Variants in STPG2 observed in about 807,000 individuals in gnomAD.
STPG2 encodes sperm tail PG-rich repeat containing 2, also known as sperm-tail PG-rich repeat-containing protein 2.
STPG2 carries 56 observed loss-of-function variants against 54.2 expected under a neutral mutation model. That is an observed-to-expected ratio of 1.03 (90% confidence interval 0.83 to 1.29). The LOEUF (loss-of-function observed/expected upper bound fraction) is 1.29. Among genes scored for constraint, STPG2 ranks in the 50% most tolerant of loss-of-function variants. The pLI is 0.00. For synonymous variants in STPG2, 200 were observed against 181.8 expected (o/e 1.10, Z -0.81); for missense variants, 596 against 544.9 (o/e 1.09, Z -0.93).
chr4:97,865,228 A>C (rs1336448281), intron 8 of STPG2, among the ~76,000 whole-genome samples: 1 of 152,022 alleles, frequency 6.6e-6, no homozygotes, highest in Non-Finnish European at 1.5e-5. Flanking sequence ...TCTACAAAGA[A>C]CTCAAACAAA....
At chr4:98,039,080 A>G (rs1736862585) in intron 5 of STPG2, among the ~76,000 whole-genome samples, 1 of 152,028 alleles carries the variant, frequency 6.6e-6, no homozygotes, top group South Asian at 2.1e-4. Flanking sequence ...ATAGCTAATA[A>G]AGTTGAAAAT....
intron 5 of STPG2, among the ~76,000 whole-genome samples, chr4:98,039,694 A>ATCTC (rs1398217557): frequency 7.0e-6 from 1 of 143,702 alleles, no homozygotes; most frequent in Non-Finnish European, 1.5e-5. Context: ...ATATATATAT[A>ATCTC]TATATCTCAC....
chr4:97,855,265 G>A (rs1560556039), intron 8 of STPG2, among the ~76,000 whole-genome samples: 1 of 152,040 alleles, frequency 6.6e-6, no homozygotes, highest in Non-Finnish European at 1.5e-5. Context: ...ATTCATTTAG[G>A]TATATTCCCA....
chr4:97,533,125 C>T (rs371570020), intron 4 of STPG2, among the ~76,000 whole-genome samples: 11 of 152,230 alleles, frequency 7.2e-5, no homozygotes, highest in African/African-American at 2.4e-4. Context: ...TCATGATCCC[C>T]CCGCCTCGGC....
chr4:97,737,088 C>T (rs1370274510), intron 9 of STPG2, among the ~76,000 whole-genome samples: 1 of 152,198 alleles, frequency 6.6e-6, no homozygotes, highest in African/African-American at 2.4e-5. Context: ...GCTGCTGGAA[C>T]CCAGGCAACC....
chr4:97,990,857 G>GA (rs1314265905), intron 5 of STPG2, among the ~76,000 whole-genome samples: 1 of 152,016 alleles, frequency 6.6e-6, no homozygotes. Context: ...GAAAACTGGG[G>GA]AAAAAACATA....
chr4:97,949,483 G>T (rs1240088910), intron 7 of STPG2, among the ~76,000 whole-genome samples: 5 of 151,714 alleles, frequency 3.3e-5, no homozygotes, highest in Admixed American at 2.6e-4. Flanking sequence ...TTTCTTCATT[G>T]TATTATTGTT....
chr4:97,942,769 G>A (rs777396590), intron 8 of STPG2, among the ~76,000 whole-genome samples: 1 of 152,054 alleles, frequency 6.6e-6, no homozygotes, highest in Admixed American at 6.6e-5. Context: ...ATTATCTCAC[G>A]TAGCAGAATT....
chr4:97,756,779 T>C (rs903838853), intron 9 of STPG2, among the ~76,000 whole-genome samples: 5 of 151,218 alleles, frequency 3.3e-5, no homozygotes, highest in Admixed American at 3.3e-4. Flanking sequence ...TTTATTTCAA[T>C]GGAAAAAAAA....
At chr4:97,931,522 G>A (rs1164913747) in intron 8 of STPG2, among the ~76,000 whole-genome samples, 1 of 152,158 alleles carries the variant, frequency 6.6e-6, no homozygotes, top group Non-Finnish European at 1.5e-5. Context: ...TTGAATCCTG[G>A]AAATAAATCC....
intron 9 of STPG2, among the ~76,000 whole-genome samples, chr4:97,835,411 C>A (rs771728511): frequency 2.0e-5 from 3 of 152,086 alleles, no homozygotes; most frequent in Non-Finnish European, 4.4e-5. Flanking sequence ...AACCAACAGC[C>A]CCTAGGGCTG....
intron 7 of STPG2, among the ~76,000 whole-genome samples, chr4:97,966,635 T>C (rs1734109099): frequency 6.6e-6 from 1 of 152,104 alleles, no homozygotes; most frequent in South Asian, 2.1e-4. Context: ...AAGGTCGGGT[T>C]ACCCACAAAG....
intron 7 of STPG2, among the ~76,000 whole-genome samples, chr4:97,947,931 G>C (rs552766436): frequency 1.8e-3 from 269 of 152,088 alleles, no homozygotes; most frequent in Non-Finnish European, 3.2e-3. Context: ...AATGAGTTAG[G>C]GAGGATTCCT....
At chr4:97,574,030 T>A (rs1732662088) in intron 10 of STPG2, among the ~76,000 whole-genome samples, 1 of 152,264 alleles carries the variant, frequency 6.6e-6, no homozygotes. Flanking sequence ...CTTACGGATC[T>A]GAAGAATCTT....
At chr4:97,619,227 GTGTGTGTGTGTA>G (rs1173910500) in intron 10 of STPG2, among the ~76,000 whole-genome samples, 1 of 151,528 alleles carries the variant, frequency 6.6e-6, no homozygotes, top group Non-Finnish European at 1.5e-5. Flanking sequence ...TTTAAAGGTT[GTGTGTGTGTGTA>G]TGTGTGTGTG....
intron 8 of STPG2, among the ~76,000 whole-genome samples, chr4:97,926,027 C>A (rs116342103): frequency 6.6e-6 from 1 of 152,094 alleles, no homozygotes; most frequent in Non-Finnish European, 1.5e-5. Context: ...ATTCCTTATA[C>A]AATTTTATCT....
intron 6 of STPG2, among the ~76,000 whole-genome samples, chr4:97,973,756 G>C (rs538103957): frequency 0.018 from 860 of 46,546 alleles, 6 homozygotes; most frequent in African/African-American, 0.072. Flanking sequence ...TCAGGCCGTG[G>C]TTTCAGAGGG....
chr4:97,547,354 A>G (rs1213449483), intron 4 of STPG2, among the ~76,000 whole-genome samples: 2 of 151,952 alleles, frequency 1.3e-5, no homozygotes, highest in South Asian at 2.1e-4. Flanking sequence ...GAGACTACAG[A>G]AGCCCGCCAC....
At chr4:97,776,705 A>G (rs551494858) in intron 9 of STPG2, among the ~76,000 whole-genome samples, 37 of 152,334 alleles carry the variant, frequency 2.4e-4, no homozygotes, top group African/African-American at 8.4e-4. Flanking sequence ...TATAGGAAAG[A>G]CAAATATTCT....
Sources: allele counts gnomAD v4.1 joint callset (sites outside exome capture counted in the v4.1 genomes callset), GRCh38; gene constraint gnomAD v4.1.1; transcripts MANE v1.5; gene names NCBI Gene and HGNC (gene_info 2026-07-23, HGNC 2026-07-21).